CLRN1: variants seen among roughly 807,000 people sequenced by gnomAD.
CLRN1 encodes clarin 1, also known as clarin-1.
Under a neutral mutation model 18.7 loss-of-function variants are expected in CLRN1, and 15 were observed. That is an observed-to-expected ratio of 0.80 (90% confidence interval 0.54 to 1.23). CLRN1 has a LOEUF of 1.23. Among genes scored for constraint, CLRN1 ranks in the 50% most tolerant of loss-of-function variants. The pLI, the probability that CLRN1 is intolerant of heterozygous loss-of-function variation, is 0.00. For synonymous variants in CLRN1, 104 were observed against 102.9 expected (o/e 1.01, Z -0.07); for missense variants, 311 against 277.5 (o/e 1.12, Z -0.86).
intron 2 of CLRN1, among the ~76,000 whole-genome samples, chr3:150,940,271 A>T (rs1713739473): frequency 6.6e-6 from 1 of 152,258 alleles, no homozygotes; most frequent in Non-Finnish European, 1.5e-5. Flanking sequence ...GGAGAGATCT[A>T]CATTGGATGG....
chr3:150,943,216 T>A (rs1713960767), intron 1 of CLRN1, among the ~76,000 whole-genome samples: 1 of 152,202 alleles, frequency 6.6e-6, no homozygotes, highest in African/African-American at 2.4e-5. Flanking sequence ...AACCTCACTT[T>A]TGAGCTGAAA....
chr3:150,926,843 G>A lies in CLRN1; in HGVS notation c.*1093C>T, dbSNP rs1215751995. 4 of 1,613,976 alleles carry A rather than the reference G, an allele frequency of 2.5e-6. No homozygotes were observed. Among genetic ancestry groups the A allele is most frequent in the Non-Finnish European group, 3.4e-6 (4 of 1,180,024 alleles). ...CAGGTTGAGGATGAAGGAAGGGTCA[G>A]TTCCAGGCTCAGCTGTGGCCTTTAG... On this transcript the variant is annotated 3_prime_UTR_variant, in exon 3 of 3. Coordinates refer to ENST00000327047, the MANE Select transcript of CLRN1 (RefSeq NM_174878.3).
chr3:150,949,834 A>G (rs1427598519), intron 1 of CLRN1, among the ~76,000 whole-genome samples: 1 of 152,344 alleles, frequency 6.6e-6, no homozygotes, highest in East Asian at 1.9e-4. Flanking sequence ...TATGGTACCA[A>G]AAAGAGCCCA....
chr3:150,966,360 A>C (rs1715264185), intron 1 of CLRN1, among the ~76,000 whole-genome samples: 1 of 152,228 alleles, frequency 6.6e-6, no homozygotes, highest in East Asian at 1.9e-4. Flanking sequence ...CATATTGGTC[A>C]TTCCTAACTT....
chr3:150,941,502 A>C (rs1158745511), intron 2 of CLRN1, 80 bp downstream of exon 2: 3 of 1,398,212 alleles, frequency 2.1e-6, no homozygotes, highest in Admixed American at 1.8e-5. Flanking sequence ...TGTTAAGATT[A>C]TAACTTTATA....
Position 150,940,379 on chromosome 3 carries a change from TA to T in CLRN1, c.433+1202del. The T allele has an allele frequency of 2.8e-6, 3 of 1,073,276 alleles. No individual in the cohort carries two copies. In the South Asian group the frequency reaches 5.8e-5, roughly 21 times the overall value. The allele number at this position is 1,073,276 out of a possible 1,614,324, so 66.5% of individuals were successfully genotyped here. A position where few individuals can be genotyped will look rare whatever the true frequency, so the allele number is the denominator to read the frequency against. On this transcript the variant is annotated intron_variant, in intron 2 of 2. Coordinates refer to ENST00000327047, the MANE Select transcript of CLRN1 (RefSeq NM_174878.3). ...GGCTACACTGCAAGTGACCTCCTGT[TA>T]ACTACAGGCCTTTGTTTTATAGAGA...
intron 1 of CLRN1, among the ~76,000 whole-genome samples, chr3:150,942,254 T>C (rs905675027): frequency 2.0e-5 from 3 of 152,338 alleles, no homozygotes; most frequent in Admixed American, 1.3e-4. Flanking sequence ...GGAGATATTT[T>C]CAGTCAACTT....
chr3:150,969,038 G>A (rs909731866), intron 1 of CLRN1, among the ~76,000 whole-genome samples: 3 of 151,226 alleles, frequency 2.0e-5, no homozygotes, highest in Admixed American at 6.6e-5. Context: ...AAATGAGCAT[G>A]TGAAATGTGG....
intron 1 of CLRN1, among the ~76,000 whole-genome samples, chr3:150,960,303 G>T (rs1268677383): frequency 6.6e-6 from 1 of 152,142 alleles, no homozygotes; most frequent in East Asian, 1.9e-4. Context: ...CCCCCGAAAA[G>T]AGTGGGGAAT....
At chr3:150,939,714 C>T (rs1713699605) in intron 2 of CLRN1, among the ~76,000 whole-genome samples, 1 of 152,144 alleles carries the variant, frequency 6.6e-6, no homozygotes, top group Non-Finnish European at 1.5e-5. Context: ...TACATTCCTT[C>T]TGTTAAAATT....
At chr3:150,963,503 A>G (rs1416491581) in intron 1 of CLRN1, among the ~76,000 whole-genome samples, 1 of 152,210 alleles carries the variant, frequency 6.6e-6, no homozygotes, top group Non-Finnish European at 1.5e-5. Flanking sequence ...AGTAACTTAT[A>G]GATTCAATGC....
chr3:150,960,353 GA>G (rs1714965841), intron 1 of CLRN1, among the ~76,000 whole-genome samples: 1 of 152,170 alleles, frequency 6.6e-6, no homozygotes, highest in Non-Finnish European at 1.5e-5. Context: ...AGGAATCACT[GA>G]GGGTGGGTAA....
In CLRN1 at chr3:150,926,608, T is replaced by C. The variant is rs577711627; in HGVS notation, c.*1328A>G. 3.8e-4 allele frequency: 267 copies of C among 698,396 alleles called. 1 individual carries two copies. The African/African-American group carries it at 4.1e-3, about 11-fold the overall frequency. The allele number at this position is 698,396 out of a possible 1,614,324, so 43.3% of individuals were successfully genotyped here. A position where few individuals can be genotyped will look rare whatever the true frequency, so the allele number is the denominator to read the frequency against. On this transcript the variant is annotated 3_prime_UTR_variant, in exon 3 of 3. Transcript: ENST00000327047. ...GTGTGTTCTGATGTCTGCTGGCGAA[T>C]AGCGAATTGACACCAGAGCAAGTTA... is the stretch of plus-strand genomic sequence containing the variant.
chr3:150,964,688 A>C lies in CLRN1; in HGVS notation c.253+7768T>G, dbSNP rs997922763. Among the ~76,000 whole-genome samples the C allele has an allele frequency of 4.1e-4, 63 of 152,254 alleles. 2 individuals carry two copies. Among genetic ancestry groups the C allele is most frequent in the Admixed American group, 3.9e-3 (60 of 15,292 alleles). On this transcript the variant is annotated intron_variant, in intron 1 of 2. Transcript: ENST00000327047. Reference sequence around the variant, plus strand: ...CATCAATGATAGACTAGATTAAGAAAATGTGGCACATGTATACCATAGAAT... The same window carrying C: ...CATCAATGATAGACTAGATTAAGAACATGTGGCACATGTATACCATAGAAT...
intron 2 of CLRN1, among the ~76,000 whole-genome samples, chr3:150,934,464 G>A (rs1173773873): frequency 6.6e-6 from 1 of 152,166 alleles, no homozygotes; most frequent in African/African-American, 2.4e-5. Context: ...TATAATCATT[G>A]CAAATGGTAA....
At chr3:150,958,398 T>C (rs532986871) in intron 1 of CLRN1, among the ~76,000 whole-genome samples, 5 of 152,326 alleles carry the variant, frequency 3.3e-5, no homozygotes, top group African/African-American at 1.2e-4. Context: ...TTTCTTCCAA[T>C]CCATCTTCTG....
chr3:150,959,287 C>T (rs1439105564), intron 1 of CLRN1, among the ~76,000 whole-genome samples: 2 of 152,112 alleles, frequency 1.3e-5, no homozygotes, highest in South Asian at 2.1e-4. Context: ...GGCACATAAA[C>T]TCTTTAACTT....
intron 1 of CLRN1, among the ~76,000 whole-genome samples, chr3:150,957,741 C>A (rs999429960): frequency 1.3e-5 from 2 of 152,176 alleles, no homozygotes; most frequent in South Asian, 2.1e-4. Context: ...TCACTGCAAC[C>A]TCTGCCTCCC....
intron 1 of CLRN1, among the ~76,000 whole-genome samples, chr3:150,946,196 A>G (rs897120506): frequency 6.6e-6 from 1 of 152,226 alleles, no homozygotes; most frequent in Non-Finnish European, 1.5e-5. Flanking sequence ...CCAAAAGGGA[A>G]TGTGAATAAT....
Sources: gnomAD v4.1 joint callset for allele counts (sites outside exome capture counted in the v4.1 genomes callset) on GRCh38, gnomAD v4.1.1 for gene constraint, MANE v1.5 for transcripts, NCBI Gene and HGNC (gene_info 2026-07-23, HGNC 2026-07-21) for gene names.